Variants in ARMC9 observed in about 807,000 individuals in gnomAD.
ARMC9 encodes armadillo repeat containing 9, also known as lisH domain-containing protein ARMC9.
A neutral mutation model predicts 107.0 loss-of-function variants in ARMC9; 94 were observed. The observed-to-expected ratio is 0.88, with a 90% CI of 0.74 to 1.04. ARMC9 has a LOEUF of 1.04. Ranked by LOEUF, ARMC9 falls within the 50% of genes least tolerant of loss-of-function variation. ARMC9 has a pLI of 0.00. For synonymous variants in ARMC9, 380 were observed against 396.9 expected (o/e 0.96, Z 0.51); for missense variants, 942 against 1,030.1 (o/e 0.91, Z 1.17).
intron 10 of ARMC9, among the ~76,000 whole-genome samples, chr2:231,257,656 C>T (rs1253690164): frequency 6.6e-6 from 1 of 152,178 alleles, no homozygotes; most frequent in Non-Finnish European, 1.5e-5. Flanking sequence ...TGTTTAATTT[C>T]TCTGTGCCTC....
chr2:231,209,787 C>G (rs1040127001), intron 3 of ARMC9, among the ~76,000 whole-genome samples: 4 of 152,172 alleles, frequency 2.6e-5, no homozygotes, highest in African/African-American at 7.2e-5. Flanking sequence ...CCACCCGCCT[C>G]AGCCTTCCAA....
intron 20 of ARMC9, among the ~76,000 whole-genome samples, chr2:231,337,416 C>T (rs1290781999): frequency 6.8e-6 from 1 of 147,928 alleles, no homozygotes; most frequent in African/African-American, 2.5e-5. Context: ...CCTGCCTCAG[C>T]CTCCTGAGTA....
intron 7 of ARMC9, among the ~76,000 whole-genome samples, chr2:231,232,973 A>G (rs944309739): frequency 3.3e-5 from 5 of 151,766 alleles, no homozygotes; most frequent in Non-Finnish European, 5.9e-5. Context: ...GCCTCAGCCT[A>G]CTGAGTAGCT....
intron 16 of ARMC9, among the ~76,000 whole-genome samples, chr2:231,281,397 G>C (rs1027301534): frequency 6.6e-6 from 1 of 152,172 alleles, no homozygotes; most frequent in Non-Finnish European, 1.5e-5. Context: ...TGGACACTTT[G>C]TGGTGGCAGG....
Position 231,365,347 on chromosome 2 carries a change from T to C in ARMC9, c.2261+4464T>C, listed in dbSNP as rs969742687. On this transcript the variant is annotated intron_variant, in intron 23 of 24. Coordinates refer to ENST00000611582, the MANE Select transcript of ARMC9 (RefSeq NM_001352754.2). ...CCCTTATATGATCTCAGCGTATCAA[T>C]AGGAACATTGTGTTGGGAGGGAAGA... is the stretch of plus-strand genomic sequence containing the variant. 5.6e-4 allele frequency among the ~76,000 whole-genome samples: 85 copies of C among 152,104 alleles called. 1 individual carries two copies. Among genetic ancestry groups the C allele is most frequent in the African/African-American group, 1.9e-3 (80 of 41,430 alleles).
chr2:231,200,406 G>A (rs2030672552), intron 1 of ARMC9, among the ~76,000 whole-genome samples: 1 of 152,242 alleles, frequency 6.6e-6, no homozygotes. Flanking sequence ...GAAGTGCCAG[G>A]TGCAGTGGCT....
chr2:231,210,907 C>T (rs773167367), intron 3 of ARMC9, among the ~76,000 whole-genome samples: 45 of 152,268 alleles, frequency 3.0e-4, no homozygotes, highest in Middle Eastern at 3.4e-3. Context: ...TTAACAACTC[C>T]GCCTTTATCC....
intron 19 of ARMC9, among the ~76,000 whole-genome samples, chr2:231,312,823 T>A (rs1442768818): frequency 6.6e-6 from 1 of 152,208 alleles, no homozygotes; most frequent in Non-Finnish European, 1.5e-5. Context: ...AAGGACTCAA[T>A]GAACTAATCT....
intron 19 of ARMC9, among the ~76,000 whole-genome samples, chr2:231,307,206 G>T (rs2042081448): frequency 6.6e-6 from 1 of 152,222 alleles, no homozygotes; most frequent in Admixed American, 6.5e-5. Context: ...GGAAGCACTG[G>T]GGTGGAGCAA....
At chr2:231,214,536 C>G (rs2033275356) in intron 3 of ARMC9, among the ~76,000 whole-genome samples, 2 of 152,154 alleles carry the variant, frequency 1.3e-5, no homozygotes, top group African/African-American at 4.8e-5. Flanking sequence ...TTTACGTGTC[C>G]AAGAGTTCTC....
intron 19 of ARMC9, among the ~76,000 whole-genome samples, chr2:231,305,646 A>G (rs1169435973): frequency 6.6e-6 from 1 of 152,214 alleles, no homozygotes; most frequent in Non-Finnish European, 1.5e-5. Flanking sequence ...GTACAAGGCT[A>G]TCGTGTGTGT....
chr2:231,245,915 T>A (rs1307257454), intron 9 of ARMC9, among the ~76,000 whole-genome samples: 2 of 152,170 alleles, frequency 1.3e-5, no homozygotes, highest in African/African-American at 4.8e-5. Flanking sequence ...ACACCAAGCC[T>A]GTTCCACCCA....
intron 19 of ARMC9, among the ~76,000 whole-genome samples, chr2:231,310,294 A>C (rs2042264763): frequency 1.3e-5 from 2 of 150,644 alleles, no homozygotes; most frequent in South Asian, 4.2e-4. Context: ...CATGCCTGTA[A>C]TCCCAGCTAC....
chr2:231,317,918 C>G (rs1176229774), intron 19 of ARMC9, among the ~76,000 whole-genome samples: 1 of 152,046 alleles, frequency 6.6e-6, no homozygotes, highest in African/African-American at 2.4e-5. Flanking sequence ...CTTCTGAGCA[C>G]ATTTTCCTTT....
intron 8 of ARMC9, among the ~76,000 whole-genome samples, chr2:231,236,042 G>A (rs1332708993): frequency 2.0e-5 from 3 of 152,132 alleles, no homozygotes; most frequent in Non-Finnish European, 4.4e-5. Context: ...CCACCTTGGC[G>A]TCCCAAAGTC....
At chr2:231,216,218 C>T (rs932002839) in intron 4 of ARMC9, among the ~76,000 whole-genome samples, 8 of 152,136 alleles carry the variant, frequency 5.3e-5, no homozygotes, top group African/African-American at 9.7e-5. Context: ...CTTTAGAAAC[C>T]GCTCCTGCTG....
Position 231,360,940 on chromosome 2 carries a change from C to T in ARMC9, c.2261+57C>T. On this transcript the variant is annotated intron_variant, in intron 23 of 24. Transcript: ENST00000611582. This position sits in a 1 kb window ranked among gnomAD's most constrained non-coding sequence, Gnocchi z 4.7. ...ACTCTCGGAGCTCTGGGAGTGGGCG[C>T]CCCACGCCGGATGCAGAGCACCCAG... 1 of 1,461,386 alleles carries T rather than the reference C, an allele frequency of 6.8e-7. No homozygotes were observed. Among genetic ancestry groups the T allele is most frequent in the South Asian group, 1.4e-5 (1 of 70,364 alleles). The allele number at this position is 1,461,386 out of a possible 1,614,324, so 90.5% of individuals were successfully genotyped here.
intron 8 of ARMC9, among the ~76,000 whole-genome samples, chr2:231,236,039 G>T (rs1324185566): frequency 5.9e-5 from 9 of 152,144 alleles, no homozygotes; most frequent in Non-Finnish European, 1.3e-4. Context: ...CTCCCACCTT[G>T]GCGTCCCAAA....
intron 17 of ARMC9, among the ~76,000 whole-genome samples, chr2:231,289,389 T>C (rs947195980): frequency 1.4e-4 from 22 of 152,176 alleles, no homozygotes; most frequent in African/African-American, 5.1e-4. Flanking sequence ...GTCACTTGAG[T>C]CTTGGAGTTG....
Sources: gnomAD v4.1 joint callset for allele counts (sites outside exome capture counted in the v4.1 genomes callset) on GRCh38, gnomAD v4.1.1 for gene constraint, Gnocchi (gnomAD v3.1) non-coding constraint, MANE v1.5 for transcripts, NCBI Gene and HGNC (gene_info 2026-07-23, HGNC 2026-07-21) for gene names.